Variants in GBP5 observed in about 807,000 individuals in gnomAD.
GBP5 encodes guanylate binding protein 5, also known as guanylate-binding protein 5.
GBP5 carries 48 observed loss-of-function variants against 58.2 expected under a neutral mutation model. The ratio of observed to expected loss-of-function variants is 0.83; its 90% CI spans 0.65 to 1.05. The LOEUF (loss-of-function observed/expected upper bound fraction) is 1.05. GBP5 is among the 50% of genes least tolerant of loss of function. GBP5 has a pLI of 0.00. For synonymous variants in GBP5, 248 were observed against 251.8 expected, an observed-to-expected ratio of 0.98 and a Z score of 0.14; for missense variants, 714 against 686.8, an observed-to-expected ratio of 1.04 and a Z score of -0.44.
At chr1:89,267,675 A>AT in intron 4 of GBP5, 149 bp from the exon 5 acceptor site, 1 of 615,730 alleles carries the variant, frequency 1.6e-6, no homozygotes, top group Non-Finnish European at 2.9e-6. Flanking sequence ...GTTAACATTG[A>AT]TAATTTTATA....
In GBP5 at chr1:89,264,771, T is replaced by A. The variant is rs1167541676; in HGVS notation, c.1064A>T (p.His355Leu). 3.1e-6 allele frequency: 5 copies of A among 1,614,034 alleles called. No homozygotes were observed. The highest frequency in any genetic ancestry group is 3.4e-6 in the Non-Finnish European group (4 of 1,179,966). Residue 355 changes from histidine to leucine, a missense_variant, in exon 8 of 12, where the codon CAC becomes CTC. Transcript: ENST00000370459. Reference protein sequence around the residue: ...METLQELLDLHRTSEREAIEV... With the variant: ...METLQELLDLLRTSEREAIEV... ...AATGGCCTCCCTCTCACTGGTCCTG[T>A]GCAGGTCCAGCAGCTCCTGGAGGGT...
chr1:89,266,618 C>T (rs1650231665), intron 6 of GBP5, 30 bp from the exon 7 acceptor site: 1 of 1,582,252 alleles, frequency 6.3e-7, no homozygotes, highest in Admixed American at 1.8e-5. Flanking sequence ...ATTTATTTAG[C>T]ATAGACTTTG....
At chr1:89,263,607 AAAGG>A in intron 9 of GBP5, 125 bp downstream of exon 9, 1 of 625,958 alleles carries the variant, frequency 1.6e-6, no homozygotes, top group Non-Finnish European at 2.8e-6. Context: ...TTATTCAAGA[AAAGG>A]ATTACTACTA....
At position 89,266,520 on chromosome 1, in the gene GBP5, T is replaced by C. The variant is rs1650227214; in HGVS notation, c.694A>G (p.Lys232Glu). The C allele has an allele frequency of 6.2e-7, 1 of 1,614,130 alleles. No homozygotes were observed. The highest frequency in any genetic ancestry group is 8.5e-7 in the Non-Finnish European group (1 of 1,179,968). Residue 232 changes from lysine to glutamate, a missense_variant, in exon 7 of 12, where the codon AAA becomes GAA. Coordinates refer to ENST00000370459, the MANE Select transcript of GBP5 (RefSeq NM_052942.5). Reference sequence around the variant, plus strand: ...GCAGGTAAGTCAAAGATAAAGCATTTCTTTTTTGGAAAGAACTTCTGTATA... The same window carrying C: ...GCAGGTAAGTCAAAGATAAAGCATTCCTTTTTTGGAAAGAACTTCTGTATA... ...LCIQKFFPKK[K>E]CFIFDLPAHQ... is the part of the protein sequence containing the mutation.
In GBP5 at chr1:89,269,466, G is replaced by C. The variant is rs1056414171; in HGVS notation, c.90C>G (p.Ile30Met). ...CTACAGGTTGCGTAATGGCAGACAG[G>C]ATCTCCAAAGCTTCCTGATTAACCT... ...QLKVNQEALEILSAITQPVVV... is the reference protein window; with the variant it reads ...QLKVNQEALEMLSAITQPVVV... Residue 30 changes from isoleucine (I) to methionine (M), a missense_variant, in exon 3 of 12, where the codon ATC becomes ATG. Transcript: ENST00000370459. 1 of 1,614,100 alleles carries C rather than the reference G, an allele frequency of 6.2e-7. No homozygotes were observed. The highest frequency in any genetic ancestry group is 1.7e-5 in the Admixed American group (1 of 60,018).
At position 89,267,146 on chromosome 1, in the gene GBP5, T is replaced by C. The variant is rs1012507102; in HGVS notation, c.436A>G (p.Thr146Ala). ...GCCTTGAGCAGATCTGTCAGTTCTG[T>C]CACATTGCTGAGATGCAATTAAAGA... The part of the protein sequence containing the change: ...QGAIDLLHNV[T>A]ELTDLLKARN... The change falls in exon 6 of 12, where the codon ACA (threonine) becomes GCA (alanine). Residue 146 changes from threonine to alanine, a missense_variant. Coordinates refer to ENST00000370459, the MANE Select transcript of GBP5 (RefSeq NM_052942.5). 4.4e-6 allele frequency: 7 copies of C among 1,589,528 alleles called. No homozygotes were observed. The African/African-American group carries it at 8.2e-5, about 19-fold the overall frequency.
chr1:89,260,916 G>T lies in GBP5; in HGVS notation c.1648-99C>A. ...TTTTCATCTACAGTAGCAGTAAACA[G>T]TTCCTGAATATCTCTCTTCCATTCA... On this transcript the variant is annotated intron_variant, in intron 11 of 11. Coordinates refer to ENST00000370459, the MANE Select transcript of GBP5 (RefSeq NM_052942.5). The T allele has an allele frequency of 6.6e-6, 5 of 759,512 alleles. 1 individual carries two copies. The South Asian group carries it at 7.6e-5, about 11-fold the overall frequency. 47.0% of individuals were successfully genotyped at this position (759,512 alleles called of 1,614,324 possible). A position where few individuals can be genotyped will look rare whatever the true frequency, so the allele number is the denominator to read the frequency against.
At chr1:89,268,121 T>C (rs928122882) in intron 4 of GBP5, among the ~76,000 whole-genome samples, 2 of 152,240 alleles carry the variant, frequency 1.3e-5, no homozygotes, top group Admixed American at 1.3e-4. Context: ...TTCCCAAGTC[T>C]GAGTTTAGTG....
intron 11 of GBP5, among the ~76,000 whole-genome samples, chr1:89,261,030 T>G (rs1217500895): frequency 6.6e-6 from 1 of 152,158 alleles, no homozygotes; most frequent in African/African-American, 2.4e-5. Context: ...GGAATATTGG[T>G]GTCCCTAGGA....
At chr1:89,271,493 A>C (rs1317074856) in intron 1 of GBP5, 2 of 152,154 alleles carry the variant, frequency 1.3e-5, no homozygotes, top group African/African-American at 2.4e-5. Flanking sequence ...AAAAATACTA[A>C]GAGAAAATGC....
rs1294046704 is a variant in GBP5 at position 89,258,620 on chromosome 1, A to T, written c.*2084T>A. ...AAGAACAGTAAAAAGAGCAGACACTAAAATTTTTCGGCTTTTTTCTGTATA... is the reference window on the plus strand; with the variant it reads ...AAGAACAGTAAAAAGAGCAGACACTTAAATTTTTCGGCTTTTTTCTGTATA... On this transcript the variant is annotated 3_prime_UTR_variant, in exon 12 of 12. Coordinates refer to ENST00000370459, the MANE Select transcript of GBP5 (RefSeq NM_052942.5). Among the ~76,000 whole-genome samples, 1 of 152,166 alleles carries T rather than the reference A, an allele frequency of 6.6e-6. No individual in the cohort carries two copies. Among genetic ancestry groups the T allele is most frequent in the Non-Finnish European group, 1.5e-5 (1 of 68,006 alleles).
intron 4 of GBP5, among the ~76,000 whole-genome samples, chr1:89,267,735 G>A (rs944892718): frequency 2.0e-5 from 3 of 152,052 alleles, no homozygotes; most frequent in South Asian, 2.1e-4. Flanking sequence ...TTTGCAAAAC[G>A]GATAGTTAAA....
At position 89,267,096 on chromosome 1, in the gene GBP5, C is replaced by T; in HGVS notation, c.486G>A (p.Arg162=). The change falls in exon 6 of 12, where the codon AGG becomes AGA. Residue 162 remains arginine, a synonymous_variant. Coordinates refer to ENST00000370459, the MANE Select transcript of GBP5 (RefSeq NM_052942.5). ...LKARNSPDLD[R]VEDPADSASF... ...TCGCAGAGTCAGCAGGATCTTCAAC[C>T]CTGTCAAGGTCGGGTGAGTTTCTTG... 1 of 1,611,796 alleles carries T rather than the reference C, an allele frequency of 6.2e-7. No individual in the cohort carries two copies. Among genetic ancestry groups the T allele is most frequent in the Non-Finnish European group, 8.5e-7 (1 of 1,179,524 alleles).
At chr1:89,265,288 ACAATG>A (rs1471573409) in intron 7 of GBP5, among the ~76,000 whole-genome samples, 3 of 152,148 alleles carry the variant, frequency 2.0e-5, no homozygotes, top group Non-Finnish European at 4.4e-5. Flanking sequence ...TCATTTGACT[ACAATG>A]CTATAGGCTT....
chr1:89,270,164 A>G (rs1416988471), intron 2 of GBP5: 1 of 152,184 alleles, frequency 6.6e-6, no homozygotes, highest in African/African-American at 2.4e-5. Flanking sequence ...TCAAAGCATG[A>G]TTATTTTATG....
chr1:89,257,780 C>T lies in GBP5; in HGVS notation c.*2924G>A, dbSNP rs138442964. On this transcript the variant is annotated 3_prime_UTR_variant, in exon 12 of 12. Coordinates refer to ENST00000370459, the MANE Select transcript of GBP5 (RefSeq NM_052942.5). ...ACTAATAAAGATTTTGTACTTGTTTCCTATTGCTGCTATAACAAATTATTA... is the reference window on the plus strand; with the variant it reads ...ACTAATAAAGATTTTGTACTTGTTTTCTATTGCTGCTATAACAAATTATTA... Among the ~76,000 whole-genome samples the T allele has an allele frequency of 6.3e-4, 96 of 152,236 alleles. 2 individuals are homozygous for T. In the East Asian group the frequency reaches 0.015, roughly 24 times the overall value.
chr1:89,267,112 G>A lies in GBP5; in HGVS notation c.470C>T (p.Ser157Leu). The change falls in exon 6 of 12, where the codon TCA becomes TTA. Residue 157 changes from serine to leucine, a missense_variant. Coordinates refer to ENST00000370459, the MANE Select transcript of GBP5 (RefSeq NM_052942.5). ...ELTDLLKARN[S>L]PDLDRVEDPA... ...ATCTTCAACCCTGTCAAGGTCGGGT[G>A]AGTTTCTTGCCTTGAGCAGATCTGT... 2 of 1,608,172 alleles carry A rather than the reference G, an allele frequency of 1.2e-6. No individual in the cohort carries two copies. Among genetic ancestry groups the A allele is most frequent in the East Asian group, 2.2e-5 (1 of 44,818 alleles).
chr1:89,269,634 A>T (rs1650367372), intron 2 of GBP5, 60 bp from the exon 3 acceptor site: 1 of 1,196,580 alleles, frequency 8.4e-7, no homozygotes, highest in Non-Finnish European at 1.2e-6. Flanking sequence ...AAGCAAAGGA[A>T]GTCATTTTGC....
At chr1:89,261,992 T>TG in intron 11 of GBP5, 1 of 550,406 alleles carries the variant, frequency 1.8e-6, no homozygotes, top group South Asian at 2.6e-5. Context: ...ATAACATAGA[T>TG]ATCATCACTG....
Sources: allele counts gnomAD v4.1 joint callset (sites outside exome capture counted in the v4.1 genomes callset), GRCh38; gene constraint gnomAD v4.1.1; transcripts MANE v1.5; gene names NCBI Gene and HGNC (gene_info 2026-07-23, HGNC 2026-07-21).